The following FSTL5 variants were observed in gnomAD, a reference collection of about 807,000 sequenced individuals.
The protein encoded by FSTL5 is follistatin like 5.
FSTL5 carries 62 observed loss-of-function variants against 89.1 expected under a neutral mutation model. That is an observed-to-expected ratio of 0.70 (90% CI 0.57 to 0.86). FSTL5 has a LOEUF of 0.86. Ranked by LOEUF, FSTL5 falls within the 40% of genes least tolerant of loss-of-function variation. The pLI is 0.00. For synonymous variants in FSTL5, 383 were observed against 346.2 expected, an observed-to-expected ratio of 1.11 and a Z score of -1.18; for missense variants, 1,057 against 1,001.6, an observed-to-expected ratio of 1.06 and a Z score of -0.75.
At chr4:161,761,799 C>A (rs1049231545) in intron 5 of FSTL5, among the ~76,000 whole-genome samples, 1 of 152,170 alleles carries the variant, frequency 6.6e-6, no homozygotes, top group Non-Finnish European at 1.5e-5. Flanking sequence ...ATCATCTATA[C>A]TGAAGCATAT....
At chr4:161,759,999 G>GT (rs767830433) in intron 5 of FSTL5, among the ~76,000 whole-genome samples, 3 of 151,940 alleles carry the variant, frequency 2.0e-5, no homozygotes, top group Non-Finnish European at 4.4e-5. Flanking sequence ...ATGAAGTTAG[G>GT]TTATTTTTTC....
chr4:161,944,068 C>A (rs1734670288), intron 3 of FSTL5, among the ~76,000 whole-genome samples: 1 of 152,024 alleles, frequency 6.6e-6, no homozygotes, highest in African/African-American at 2.4e-5. Flanking sequence ...ATTAATTACT[C>A]CTTTCTCTGC....
At chr4:161,596,876 T>A (rs1429052664) in intron 7 of FSTL5, among the ~76,000 whole-genome samples, 1 of 152,106 alleles carries the variant, frequency 6.6e-6, no homozygotes, top group Non-Finnish European at 1.5e-5. Context: ...TTGATGGGGT[T>A]GTTTGTTTTT....
chr4:161,848,520 C>A (rs1731448394), intron 4 of FSTL5, among the ~76,000 whole-genome samples: 1 of 152,080 alleles, frequency 6.6e-6, no homozygotes, highest in South Asian at 2.1e-4. Context: ...AATATGATAG[C>A]ACGTAAAGTT....
chr4:161,920,522 G>A lies in FSTL5; in HGVS notation c.291C>T (p.Tyr97=). The A allele has an allele frequency of 6.2e-7, 1 of 1,614,044 alleles. No individual in the cohort carries two copies. The highest frequency in any genetic ancestry group is 8.5e-7 in the Non-Finnish European group (1 of 1,180,006). The stretch of plus-strand genomic sequence containing the variant: ...CTCCGTCAGATCCACACACAGGTTT[G>A]TAGTGACGTTTGCAAAGGTCCATAC... ...CACMDLCKRH[Y]KPVCGSDGEF... is the part of the protein sequence containing the mutation. Residue 97 remains tyrosine (Y), a synonymous_variant, in exon 4 of 16, where the codon TAC becomes TAT. Transcript: ENST00000306100.
chr4:162,099,220 TAA>T (rs1463986679), intron 2 of FSTL5, among the ~76,000 whole-genome samples: 1 of 152,100 alleles, frequency 6.6e-6, no homozygotes, highest in East Asian at 1.9e-4. Context: ...TATAGCACGC[TAA>T]GTGTCTACAT....
At chr4:161,446,636 G>T (rs1452842972) in intron 15 of FSTL5, among the ~76,000 whole-genome samples, 4 of 152,070 alleles carry the variant, frequency 2.6e-5, no homozygotes, top group Middle Eastern at 3.4e-3. Context: ...ACTAGCTAAT[G>T]CTATATATGA....
chr4:162,023,439 T>C (rs1366365595), intron 3 of FSTL5, among the ~76,000 whole-genome samples: 1 of 152,146 alleles, frequency 6.6e-6, no homozygotes, highest in Non-Finnish European at 1.5e-5. Context: ...TTCTCTACCC[T>C]TTGGGCTTAA....
Position 161,457,081 on chromosome 4 carries a change from G to T in FSTL5, c.1717-1953C>A, listed in dbSNP as rs138665310. 8.5e-5 allele frequency among the ~76,000 whole-genome samples: 13 copies of T among 152,242 alleles called. No individual in the cohort carries two copies. The South Asian group carries it at 1.9e-3, about 22-fold the overall frequency. ...TCCACGTGACCCAAAGTTGATTATG[G>T]CTGAGGCATAAACACTAACATGATC... On this transcript the variant is annotated intron_variant, in intron 14 of 15. Transcript: ENST00000306100.
chr4:161,637,447 T>C (rs1293885814), intron 7 of FSTL5, among the ~76,000 whole-genome samples: 2 of 150,762 alleles, frequency 1.3e-5, no homozygotes, highest in African/African-American at 4.9e-5. Flanking sequence ...TCTTTTGCTG[T>C]GCAGAAGCTC....
At chr4:161,742,071 T>G (rs567185294) in intron 6 of FSTL5, among the ~76,000 whole-genome samples, 1 of 152,216 alleles carries the variant, frequency 6.6e-6, no homozygotes, top group Admixed American at 6.5e-5. Flanking sequence ...GGGGCATTTT[T>G]GGATAATACT....
At chr4:161,924,807 A>C (rs1324843211) in intron 3 of FSTL5, among the ~76,000 whole-genome samples, 1 of 151,898 alleles carries the variant, frequency 6.6e-6, no homozygotes, top group East Asian at 1.9e-4. Flanking sequence ...CAGATTTTGA[A>C]GTTAGCTGCC....
rs752340115 is a variant in FSTL5, at chr4:161,417,523, T to C, written c.1842-31074A>G. Among the ~76,000 whole-genome samples, 96 of 152,356 alleles carry C rather than the reference T, an allele frequency of 6.3e-4. 1 individual carries two copies. Among genetic ancestry groups the C allele is most frequent in the South Asian group, 1.0e-3 (5 of 4,830 alleles). Reference sequence around the variant, plus strand: ...ATAGTGTGCTGTTTAAAAACCAGCCTAGATACTAGAAATAGGTATTGTATG... The same window carrying C: ...ATAGTGTGCTGTTTAAAAACCAGCCCAGATACTAGAAATAGGTATTGTATG... On this transcript the variant is annotated intron_variant, in intron 15 of 15. Transcript: ENST00000306100.
At chr4:161,582,349 T>C (rs552378477) in intron 8 of FSTL5, among the ~76,000 whole-genome samples, 1 of 152,336 alleles carries the variant, frequency 6.6e-6, no homozygotes, top group Admixed American at 6.5e-5. Flanking sequence ...AAACCAGTTT[T>C]AGAGATTTGT....
At chr4:161,557,782 T>C (rs939900455) in intron 8 of FSTL5, among the ~76,000 whole-genome samples, 2 of 151,746 alleles carry the variant, frequency 1.3e-5, no homozygotes, top group African/African-American at 2.4e-5. Flanking sequence ...TTGCATATAT[T>C]GCCCAAAAAT....
At chr4:162,069,185 A>C (rs1460117718) in intron 2 of FSTL5, among the ~76,000 whole-genome samples, 1 of 151,930 alleles carries the variant, frequency 6.6e-6, no homozygotes, top group African/African-American at 2.4e-5. Flanking sequence ...TCTATAACAC[A>C]TCTAAAATGA....
chr4:162,068,782 C>A (rs943298339), intron 2 of FSTL5, among the ~76,000 whole-genome samples: 1 of 152,050 alleles, frequency 6.6e-6, no homozygotes, highest in African/African-American at 2.4e-5. Flanking sequence ...AAAATTTTTG[C>A]AATCTATCCA....
intron 12 of FSTL5, among the ~76,000 whole-genome samples, chr4:161,488,782 T>C (rs574468880): frequency 6.6e-6 from 1 of 151,782 alleles, no homozygotes; most frequent in South Asian, 2.1e-4. Flanking sequence ...CTACATGTTT[T>C]TGATGCAAAC....
At chr4:161,437,580 A>AAAAAAAAAAAAAAAAAAAAAAAAAC (rs1560894861) in intron 15 of FSTL5, among the ~76,000 whole-genome samples, 5 of 147,496 alleles carry the variant, frequency 3.4e-5, no homozygotes, top group African/African-American at 1.2e-4. Flanking sequence ...AAAAAAAAAA[A>AAAAAAAAAAAAAAAAAAAAAAAAAC]AACGAGGTCA....
Sources: allele counts gnomAD v4.1 joint callset (sites outside exome capture counted in the v4.1 genomes callset), GRCh38; gene constraint gnomAD v4.1.1; transcripts MANE v1.5; gene names NCBI Gene and HGNC (gene_info 2026-07-23, HGNC 2026-07-21).